FREM1: variants seen among roughly 807,000 people sequenced by gnomAD.
The protein encoded by FREM1 is FRAS1 related extracellular matrix 1, also known as FRAS1-related extracellular matrix protein 1.
FREM1 carries 220 observed loss-of-function variants against 210.1 expected under a neutral mutation model. The ratio of observed to expected loss-of-function variants is 1.05; its 90% confidence interval spans 0.94 to 1.17. The LOEUF (loss-of-function observed/expected upper bound fraction) is 1.17. FREM1 is among the 50% of genes most tolerant of loss of function. FREM1 has a pLI of 0.00. For synonymous variants in FREM1, 1,189 were observed against 980.2 expected (o/e 1.21, Z -3.98); for missense variants, 3,454 against 2,675.5 (o/e 1.29, Z -6.42).
chr9:14,774,521 CTCTCTCTCTCT>C (rs1848215449), intron 25 of FREM1, among the ~76,000 whole-genome samples: 1 of 23,792 alleles, frequency 4.2e-5, no homozygotes, highest in Admixed American at 3.5e-4. Context: ...ATCTCTCTCT[CTCTCTCTCTCT>C]CTCTCTCTCT....
intron 22 of FREM1, among the ~76,000 whole-genome samples, chr9:14,792,303 C>CACACACACACACAG (rs369927789): frequency 2.9e-5 from 4 of 137,678 alleles, no homozygotes; most frequent in African/African-American, 7.8e-5. Flanking sequence ...CACACACACA[C>CACACACACACACAG]AGAGAGAGAG....
At chr9:14,879,790 AT>A (rs1564155868) in intron 1 of FREM1, among the ~76,000 whole-genome samples, 1 of 152,200 alleles carries the variant, frequency 6.6e-6, no homozygotes, top group African/African-American at 2.4e-5. Flanking sequence ...ATACATGTAG[AT>A]GGAGACATGT....
At chr9:14,792,096 G>GC (rs1851468020) in intron 22 of FREM1, among the ~76,000 whole-genome samples, 1 of 152,090 alleles carries the variant, frequency 6.6e-6, no homozygotes, top group East Asian at 1.9e-4. Flanking sequence ...GCCCACCTTG[G>GC]CCTCCCAAAG....
Position 14,868,845 on chromosome 9 carries a change from C to G in FREM1, c.133G>C (p.Asp45His). The part of the protein sequence containing the change: ...MKGHSAFLSG[D>H]DLKFAIPKEK... ...TTAGGGATGGCAAACTTCAGGTCAT[C>G]TCCTGACAGGAAGGCAGAGTGGCCC... Residue 45 changes from aspartate (D) to histidine (H), a missense_variant, in exon 2 of 37, where the codon GAT becomes CAT. Coordinates refer to ENST00000380880, the MANE Select transcript of FREM1 (RefSeq NM_001379081.2). 1.9e-6 allele frequency: 3 copies of G among 1,611,510 alleles called. No homozygotes were observed. Among genetic ancestry groups the G allele is most frequent in the Non-Finnish European group, 2.5e-6 (3 of 1,178,754 alleles).
At chr9:14,894,650 T>C (rs1837395873) in intron 1 of FREM1, among the ~76,000 whole-genome samples, 1 of 152,200 alleles carries the variant, frequency 6.6e-6, no homozygotes, top group Non-Finnish European at 1.5e-5. Context: ...TTTGTTTTGT[T>C]TTTTTAGAAC....
chr9:14,819,784 T>C (rs1328540061), intron 13 of FREM1, among the ~76,000 whole-genome samples: 1 of 152,214 alleles, frequency 6.6e-6, no homozygotes, highest in Non-Finnish European at 1.5e-5. Flanking sequence ...CTCAGGTCCA[T>C]TCCCATCACT....
intron 1 of FREM1, among the ~76,000 whole-genome samples, chr9:14,876,967 G>A (rs1474965696): frequency 6.6e-6 from 1 of 152,170 alleles, no homozygotes; most frequent in Non-Finnish European, 1.5e-5. Flanking sequence ...AGGTAAGGGG[G>A]AATCTTTGCT....
intron 22 of FREM1, among the ~76,000 whole-genome samples, chr9:14,789,992 A>G (rs1036414326): frequency 6.6e-6 from 1 of 152,202 alleles, no homozygotes; most frequent in Non-Finnish European, 1.5e-5. Context: ...AATTTATTAT[A>G]TGATATTATC....
At chr9:14,788,295 C>T (rs961034741) in intron 23 of FREM1, among the ~76,000 whole-genome samples, 2 of 152,052 alleles carry the variant, frequency 1.3e-5, no homozygotes, top group African/African-American at 4.8e-5. Context: ...TTTAAACAAA[C>T]TCTCCTCCAT....
Position 14,756,368 on chromosome 9 carries a change from A to C in FREM1, c.5407+6T>G. The C allele has an allele frequency of 6.3e-7, 1 of 1,578,950 alleles. No homozygotes were observed. Among genetic ancestry groups the C allele is most frequent in the Non-Finnish European group, 8.6e-7 (1 of 1,161,472 alleles). On this transcript the variant is annotated splice_donor_region_variant and intron_variant, in intron 29 of 36. Transcript: ENST00000380880. ...ACATAAAACAAACTGCAGACACAAA[A>C]TGTACCTGGGTCAAACTGAATCAGT...
chr9:14,872,203 A>G (rs951813895), intron 1 of FREM1, among the ~76,000 whole-genome samples: 5 of 152,316 alleles, frequency 3.3e-5, no homozygotes, highest in Non-Finnish European at 5.9e-5. Context: ...AATTCTGTGA[A>G]GAAAATCATT....
chr9:14,739,030 G>T (rs545914167), intron 36 of FREM1, among the ~76,000 whole-genome samples: 61 of 99,702 alleles, frequency 6.1e-4, no homozygotes, highest in African/African-American at 1.7e-3. Context: ...AAAAAAAAAA[G>T]ATTTATTATT....
intron 10 of FREM1, among the ~76,000 whole-genome samples, chr9:14,835,622 TC>T (rs1157345674): frequency 6.6e-6 from 1 of 152,208 alleles, no homozygotes; most frequent in Non-Finnish European, 1.5e-5. Flanking sequence ...GAGGAAAGGA[TC>T]ACCCAACTCA....
intron 19 of FREM1, among the ~76,000 whole-genome samples, chr9:14,803,485 A>G (rs924195342): frequency 2.6e-5 from 4 of 151,784 alleles, no homozygotes; most frequent in Non-Finnish European, 5.9e-5. Flanking sequence ...TCAGCCCCCA[A>G]GTAGCTAGGA....
rs746194247 is a variant in FREM1 at position 14,770,778 on chromosome 9, C to G, written c.4886G>C (p.Arg1629Pro). Residue 1629 changes from arginine (R) to proline (P), a missense_variant, in exon 26 of 37, where the codon CGT becomes CCT. Physicochemically the swap from Arg to Pro is moderately radical, Grantham distance 103. Transcript: ENST00000380880. ...AGAAGGGGAATGCAAGAGTGTGATA[C>G]GAGGAGCTGTTTTGTCCAATTGGTC... ...QVDQLDKTAP[R>P]ITLLHSPSQV... 1.9e-6 allele frequency: 3 copies of G among 1,612,854 alleles called. No homozygotes were observed. The highest frequency in any genetic ancestry group is 2.2e-5 in the East Asian group (1 of 44,812).
At chr9:14,805,215 A>T in intron 18 of FREM1, 63 bp from the exon 19 acceptor site, 1 of 902,084 alleles carries the variant, frequency 1.1e-6, no homozygotes, top group Non-Finnish European at 1.7e-6. Flanking sequence ...ATTGGTCCTT[A>T]ATCCTTAACC....
rs1250751102 is a variant in FREM1, at chr9:14,910,094, T to G, written c.-448A>C. On this transcript the variant is annotated 5_prime_UTR_variant, in exon 1 of 37. Coordinates refer to ENST00000380880, the MANE Select transcript of FREM1 (RefSeq NM_001379081.2). ...TTTCAGGTCAGCTGTGTTTGAGATT[T>G]CTTTTTACTAAAAATCCATTAACCC... 6.6e-6 allele frequency: 1 copy of G among 152,240 alleles called. No homozygotes were observed. The highest frequency in any genetic ancestry group is 2.4e-5 in the African/African-American group (1 of 41,470). The allele number at this position is 152,240 out of a possible 1,614,324, so 9.4% of individuals were successfully genotyped here.
At chr9:14,775,736 C>T (rs959735416) in intron 25 of FREM1, 53 bp downstream of exon 25, 4 of 779,108 alleles carry the variant, frequency 5.1e-6, no homozygotes, top group African/African-American at 3.7e-5. Flanking sequence ...AAAAAATTCT[C>T]GATGTCACTG....
chr9:14,747,577 T>A (rs1842697968), intron 32 of FREM1, 104 bp downstream of exon 32: 2 of 1,042,372 alleles, frequency 1.9e-6, no homozygotes, highest in Admixed American at 6.4e-5. Flanking sequence ...TCAAAACAAT[T>A]TTTTAAGAGA....
Sources: gnomAD v4.1 joint callset for allele counts (sites outside exome capture counted in the v4.1 genomes callset) on GRCh38, gnomAD v4.1.1 for gene constraint, MANE v1.5 for transcripts, NCBI Gene and HGNC (gene_info 2026-07-23, HGNC 2026-07-21) for gene names.